Variants in GPC6 observed in about 807,000 individuals in gnomAD.
GPC6 encodes glypican-6.
GPC6 carries 14 observed loss-of-function variants against 55.2 expected under a neutral mutation model. The ratio of observed to expected loss-of-function variants is 0.25; its 90% CI spans 0.17 to 0.40. The LOEUF is 0.40. Ranked by LOEUF, GPC6 falls within the 10% of genes least tolerant of loss-of-function variation. The pLI, the probability that GPC6 is intolerant of heterozygous loss-of-function variation, is 1.00. For missense variants in GPC6, 641 were observed against 708.5 expected, an observed-to-expected ratio of 0.90 and a Z score of 1.08; for synonymous variants, 278 against 259.6, an observed-to-expected ratio of 1.07 and a Z score of -0.68.
chr13:93,591,112 T>G (rs1433076642), intron 2 of GPC6, among the ~76,000 whole-genome samples: 1 of 146,828 alleles, frequency 6.8e-6, no homozygotes, highest in African/African-American at 2.6e-5. Flanking sequence ...CTGATCTTTC[T>G]CAGTCATCTG....
At chr13:93,872,671 C>T (rs1173173924) in intron 3 of GPC6, among the ~76,000 whole-genome samples, 1 of 151,898 alleles carries the variant, frequency 6.6e-6, no homozygotes, top group Non-Finnish European at 1.5e-5. Flanking sequence ...ACTCTGGGCC[C>T]ACCCATGTGA....
At chr13:94,060,232 G>C (rs1001494177) in intron 4 of GPC6, among the ~76,000 whole-genome samples, 6 of 152,024 alleles carry the variant, frequency 3.9e-5, no homozygotes, top group Non-Finnish European at 8.8e-5. Flanking sequence ...ATGCTCCTCT[G>C]CTTCTTTTAT....
At position 94,321,122 on chromosome 13, in the gene GPC6, T is replaced by C. The variant is rs1566672168; in HGVS notation, c.1152+14999T>C. ...CTTTTGTTCCTCTCTTTTGTGTCCA[T>C]GTGTTTTCGTCATTTACTGCCCACT... is the stretch of plus-strand genomic sequence containing the variant. On this transcript the variant is annotated intron_variant, in intron 6 of 8. Coordinates refer to ENST00000377047, the MANE Select transcript of GPC6 (RefSeq NM_005708.5). 2.6e-5 allele frequency among the ~76,000 whole-genome samples: 4 copies of C among 152,156 alleles called. No individual in the cohort carries two copies. The East Asian group carries it at 7.7e-4, about 29-fold the overall frequency.
At chr13:93,796,778 T>G (rs1886209720) in intron 2 of GPC6, among the ~76,000 whole-genome samples, 1 of 152,150 alleles carries the variant, frequency 6.6e-6, no homozygotes, top group South Asian at 2.1e-4. Context: ...AAACAACACG[T>G]ATTGGATTCT....
chr13:94,036,539 G>A (rs1231127435), intron 4 of GPC6, among the ~76,000 whole-genome samples: 2 of 151,956 alleles, frequency 1.3e-5, no homozygotes, highest in Non-Finnish European at 2.9e-5. Flanking sequence ...TGCCAAATAA[G>A]GCTGTCAATA....
At chr13:94,330,255 G>A (rs1877340559) in intron 6 of GPC6, among the ~76,000 whole-genome samples, 1 of 138,632 alleles carries the variant, frequency 7.2e-6, no homozygotes, top group Non-Finnish European at 1.6e-5. Context: ...AAGATCCTGG[G>A]GCCAGCAAAA....
intron 2 of GPC6, among the ~76,000 whole-genome samples, chr13:93,577,729 C>G (rs971460881): frequency 6.6e-6 from 1 of 151,852 alleles, no homozygotes; most frequent in Admixed American, 6.6e-5. Flanking sequence ...TTGCTCTGGC[C>G]AGGACTTCCA....
intron 1 of GPC6, among the ~76,000 whole-genome samples, chr13:93,261,212 G>A (rs992492758): frequency 6.6e-6 from 1 of 152,118 alleles, no homozygotes; most frequent in African/African-American, 2.4e-5. Context: ...GGAGCTTGAG[G>A]GGCACAGGTT....
intron 2 of GPC6, among the ~76,000 whole-genome samples, chr13:93,549,068 C>G (rs1186473648): frequency 3.3e-5 from 5 of 152,156 alleles, no homozygotes; most frequent in Non-Finnish European, 7.3e-5. Flanking sequence ...AAAGTTCTCC[C>G]TGAACTATGC....
intron 1 of GPC6, among the ~76,000 whole-genome samples, chr13:93,274,658 A>T (rs147202952): frequency 6.6e-6 from 1 of 152,330 alleles, no homozygotes; most frequent in African/African-American, 2.4e-5. Context: ...ACCTGCCTTC[A>T]GATAATTCAA....
chr13:94,333,695 G>T (rs1231981878), intron 6 of GPC6, among the ~76,000 whole-genome samples: 1 of 152,174 alleles, frequency 6.6e-6, no homozygotes, highest in Non-Finnish European at 1.5e-5. Flanking sequence ...TGAGGTCCAT[G>T]GAAGCTAAGT....
rs2138996102 is a variant in GPC6 at position 93,227,811 on chromosome 13, C to T, written c.160+195C>T. ...TTCGGCGGGGGAAGGTGTGCGTCTC[C>T]GCCGCCTCATTGTGTGCACACGCGG... On this transcript the variant is annotated intron_variant, in intron 1 of 8. Coordinates refer to ENST00000377047, the MANE Select transcript of GPC6 (RefSeq NM_005708.5). The surrounding 1 kb of genome is among the most constrained non-coding windows in gnomAD (Gnocchi z 4.3). Among the ~76,000 whole-genome samples, 1 of 152,286 alleles carries T rather than the reference C, an allele frequency of 6.6e-6. No homozygotes were observed. The highest frequency in any genetic ancestry group is 2.1e-4 in the South Asian group (1 of 4,834).
intron 4 of GPC6, among the ~76,000 whole-genome samples, chr13:94,223,981 A>G (rs1308549534): frequency 6.6e-6 from 1 of 152,108 alleles, no homozygotes; most frequent in Non-Finnish European, 1.5e-5. Context: ...CACACTGTCA[A>G]CAAGTGTCCT....
chr13:93,840,089 C>A (rs1452114279), intron 3 of GPC6, among the ~76,000 whole-genome samples: 2 of 152,076 alleles, frequency 1.3e-5, no homozygotes, highest in Admixed American at 6.6e-5. Context: ...ATGAATCTGT[C>A]TGGTCCTGTA....
At chr13:94,373,155 G>A (rs1425992275) in intron 6 of GPC6, among the ~76,000 whole-genome samples, 13 of 152,240 alleles carry the variant, frequency 8.5e-5, no homozygotes, top group South Asian at 4.1e-4. Context: ...AAAGCAGAGC[G>A]CCTCTCCTCC....
At chr13:94,363,583 GACA>G (rs1879155783) in intron 6 of GPC6, among the ~76,000 whole-genome samples, 1 of 152,158 alleles carries the variant, frequency 6.6e-6, no homozygotes, top group Admixed American at 6.5e-5. Context: ...AGTTCATTCA[GACA>G]ACAACCCCTA....
chr13:93,883,513 G>T (rs530838043), intron 3 of GPC6, among the ~76,000 whole-genome samples: 1 of 152,036 alleles, frequency 6.6e-6, no homozygotes, highest in East Asian at 2.0e-4. Context: ...GACTAAGGTG[G>T]TATCACACTG....
intron 3 of GPC6, among the ~76,000 whole-genome samples, chr13:93,841,658 G>A (rs1261241112): frequency 6.6e-5 from 10 of 152,160 alleles, no homozygotes; most frequent in Admixed American, 5.9e-4. Context: ...GAAATCAGTA[G>A]ATACTGCCAA....
chr13:94,160,042 T>G (rs1888099059), intron 4 of GPC6, among the ~76,000 whole-genome samples: 1 of 152,204 alleles, frequency 6.6e-6, no homozygotes, highest in African/African-American at 2.4e-5. Flanking sequence ...TATTTGAGGT[T>G]TTGTTTTCTG....
Sources: gnomAD v4.1 joint callset for allele counts (sites outside exome capture counted in the v4.1 genomes callset) on GRCh38, gnomAD v4.1.1 for gene constraint, Gnocchi (gnomAD v3.1) non-coding constraint, MANE v1.5 for transcripts, NCBI Gene and HGNC (gene_info 2026-07-23, HGNC 2026-07-21) for gene names.